The following PAPPA variants were observed in gnomAD, a reference collection of about 807,000 sequenced individuals.
PAPPA encodes the protein pappalysin-1.
Under a neutral mutation model 164.0 loss-of-function variants are expected in PAPPA, and 60 were observed. The observed-to-expected ratio is 0.37, with a 90% CI of 0.30 to 0.45. The LOEUF (loss-of-function observed/expected upper bound fraction) is 0.45, where lower values mean the gene tolerates loss of function less well. PAPPA is among the 20% of genes least tolerant of loss of function. The pLI, the probability that PAPPA is intolerant of heterozygous loss-of-function variation, is 1.00. For synonymous variants in PAPPA, 875 were observed against 814.1 expected (o/e 1.07, Z -1.27); for missense variants, 1,782 against 2,087.3 (o/e 0.85, Z 2.85).
intron 2 of PAPPA, among the ~76,000 whole-genome samples, chr9:116,190,651 G>T (rs1486067046): frequency 6.6e-6 from 1 of 152,224 alleles, no homozygotes. Context: ...ACAGGATGAA[G>T]AGCAGCTGGC....
At chr9:116,216,864 C>G (rs1844379135) in intron 4 of PAPPA, among the ~76,000 whole-genome samples, 1 of 152,092 alleles carries the variant, frequency 6.6e-6, no homozygotes, top group South Asian at 2.1e-4. Context: ...GCCTCAGCCT[C>G]CTGAGTAGCT....
At chr9:116,305,311 A>C (rs2118896743) in intron 10 of PAPPA, among the ~76,000 whole-genome samples, 1 of 152,262 alleles carries the variant, frequency 6.6e-6, no homozygotes, top group Non-Finnish European at 1.5e-5. Context: ...TTGGTAGTTA[A>C]TTTTCACCCT....
At chr9:116,334,336 C>G (rs2118955095) in intron 12 of PAPPA, among the ~76,000 whole-genome samples, 1 of 151,834 alleles carries the variant, frequency 6.6e-6, no homozygotes, top group East Asian at 1.9e-4. Context: ...CTCTGGAAAA[C>G]CACCCCTGCC....
chr9:116,392,126 C>T (rs1317363513), intron 21 of PAPPA, among the ~76,000 whole-genome samples: 1 of 152,214 alleles, frequency 6.6e-6, no homozygotes, highest in Non-Finnish European at 1.5e-5. Context: ...CTTAGCATTG[C>T]TGGGCAGAGT....
At chr9:116,202,323 G>T (rs1309483089) in intron 2 of PAPPA, among the ~76,000 whole-genome samples, 1 of 152,142 alleles carries the variant, frequency 6.6e-6, no homozygotes, top group Non-Finnish European at 1.5e-5. Context: ...GCCATCTCAG[G>T]CCAGTGCATT....
chr9:116,329,869 T>C (rs777651517), intron 10 of PAPPA, among the ~76,000 whole-genome samples: 7 of 152,230 alleles, frequency 4.6e-5, no homozygotes, highest in Non-Finnish European at 8.8e-5. Flanking sequence ...TCCTTTGCCA[T>C]AATAGAATTC....
chr9:116,374,363 A>T (rs1349558970), intron 19 of PAPPA, among the ~76,000 whole-genome samples: 2 of 152,156 alleles, frequency 1.3e-5, no homozygotes, highest in Admixed American at 1.3e-4. Flanking sequence ...CACTGGTATC[A>T]AGAGGAAAAA....
intron 10 of PAPPA, among the ~76,000 whole-genome samples, chr9:116,312,983 TGAGGCAGAAGAATGGCGTGAACCCGG>T: frequency 6.7e-6 from 1 of 148,204 alleles, no homozygotes; most frequent in East Asian, 2.0e-4. Context: ...CTCGGGAGGC[TGAGGCAGAAGAATGGCGTGAACCCGG>T]GAGGCAGAGC....
At chr9:116,179,705 C>T (rs534214481) in intron 1 of PAPPA, among the ~76,000 whole-genome samples, 123 of 152,204 alleles carry the variant, frequency 8.1e-4, no homozygotes, top group Non-Finnish European at 1.3e-3. Flanking sequence ...GGGTCTCCCC[C>T]CCGACTGAAC....
chr9:116,368,909 G>A (rs764140984), intron 19 of PAPPA, among the ~76,000 whole-genome samples: 2 of 152,108 alleles, frequency 1.3e-5, no homozygotes, highest in African/African-American at 4.8e-5. Context: ...TCAGCACTCC[G>A]AGTGTATAGA....
chr9:116,212,134 T>A (rs1357884069), intron 4 of PAPPA, among the ~76,000 whole-genome samples: 1 of 152,196 alleles, frequency 6.6e-6, no homozygotes, highest in East Asian at 1.9e-4. Flanking sequence ...TGGACTAGCA[T>A]CTCCATGATC....
At chr9:116,370,053 G>C (rs1348302672) in intron 19 of PAPPA, among the ~76,000 whole-genome samples, 1 of 152,140 alleles carries the variant, frequency 6.6e-6, no homozygotes, top group Non-Finnish European at 1.5e-5. Context: ...TTCCAGGCCA[G>C]AGGAGGCCCT....
At chr9:116,240,696 A>G (rs1237629715) in intron 7 of PAPPA, among the ~76,000 whole-genome samples, 1 of 152,178 alleles carries the variant, frequency 6.6e-6, no homozygotes, top group Non-Finnish European at 1.5e-5. Context: ...CAGATTATAT[A>G]TAGGGACTGG....
chr9:116,300,030 T>C (rs1479875267), intron 9 of PAPPA, among the ~76,000 whole-genome samples: 2 of 152,104 alleles, frequency 1.3e-5, no homozygotes, highest in Admixed American at 6.5e-5. Context: ...GTTCTCTGTA[T>C]TGGGTTTCTG....
chr9:116,169,894 G>A (rs561629180), intron 1 of PAPPA, among the ~76,000 whole-genome samples: 7 of 152,152 alleles, frequency 4.6e-5, no homozygotes, highest in Admixed American at 1.3e-4. Context: ...ACAGCATCAT[G>A]ATCGATTGCT....
chr9:116,247,785 A>G (rs1475684455), intron 7 of PAPPA, among the ~76,000 whole-genome samples: 1 of 152,156 alleles, frequency 6.6e-6, no homozygotes, highest in Non-Finnish European at 1.5e-5. Context: ...TGTGTCTGTT[A>G]AAACACAACC....
chr9:116,385,502 C>G (rs933182136), intron 21 of PAPPA, among the ~76,000 whole-genome samples: 2 of 152,108 alleles, frequency 1.3e-5, no homozygotes, highest in Admixed American at 6.5e-5. Context: ...CACCAAGCCA[C>G]CATTTTGGCT....
In PAPPA at chr9:116,190,958, G is replaced by C. The variant is rs190949013; in HGVS notation, c.1478+2742G>C. Among the ~76,000 whole-genome samples the C allele has an allele frequency of 6.1e-3, 918 of 151,556 alleles. 4 individuals are homozygous for C. The highest frequency in any genetic ancestry group is 9.8e-3 in the Non-Finnish European group (666 of 67,932). On this transcript the variant is annotated intron_variant, in intron 2 of 21. Transcript: ENST00000328252. ...GGCCGATTCAGCTCTCCTGTGTGCA[G>C]ACAGAAACCTGTGGAAGGTTGCAGA...
At chr9:116,355,749 A>G (rs1846345518) in intron 17 of PAPPA, among the ~76,000 whole-genome samples, 1 of 152,208 alleles carries the variant, frequency 6.6e-6, no homozygotes, top group Non-Finnish European at 1.5e-5. Context: ...AGGAGAGGAA[A>G]GTGTAAATGT....
Sources: allele counts gnomAD v4.1 joint callset (sites outside exome capture counted in the v4.1 genomes callset), GRCh38; gene constraint gnomAD v4.1.1; transcripts MANE v1.5; gene names NCBI Gene and HGNC (gene_info 2026-07-23, HGNC 2026-07-21).